Variants in DNAJC1 observed in about 807,000 individuals in gnomAD.
The protein encoded by DNAJC1 is dnaJ homolog subfamily C member 1.
In DNAJC1, 58 loss-of-function variants were observed where a neutral mutation model predicts 76.6. The ratio of observed to expected loss-of-function variants is 0.76; its 90% CI spans 0.61 to 0.94. The LOEUF is 0.94. Among genes scored for constraint, DNAJC1 ranks in the 40% least tolerant of loss-of-function variants. DNAJC1 has a pLI of 0.00. For missense variants in DNAJC1, 689 were observed against 677.3 expected, an observed-to-expected ratio of 1.02 and a Z score of -0.19; for synonymous variants, 258 against 267.9, an observed-to-expected ratio of 0.96 and a Z score of 0.36.
rs76370075 is a variant in DNAJC1, at chr10:21,943,143, G to C, written c.223-14002C>G. 2.6e-5 allele frequency among the ~76,000 whole-genome samples: 4 copies of C among 151,524 alleles called. No individual in the cohort carries two copies. The East Asian group carries it at 7.7e-4, about 29-fold the overall frequency. On this transcript the variant is annotated intron_variant, in intron 1 of 11. Transcript: ENST00000376980. ...TATGAGAAATGAAATTCTACACAGAGGAAAATGCATGCAGCTAACAAGACA... is the reference window on the plus strand; with the variant it reads ...TATGAGAAATGAAATTCTACACAGACGAAAATGCATGCAGCTAACAAGACA...
intron 11 of DNAJC1, among the ~76,000 whole-genome samples, chr10:21,758,590 T>C (rs1049598139): frequency 1.2e-4 from 18 of 152,260 alleles, no homozygotes; most frequent in African/African-American, 4.1e-4. Context: ...AGCTGTCGCC[T>C]GGCACTGACC....
chr10:21,776,748 T>C (rs949653832), intron 9 of DNAJC1, among the ~76,000 whole-genome samples: 3 of 152,198 alleles, frequency 2.0e-5, no homozygotes, highest in Admixed American at 2.0e-4. Flanking sequence ...ATAATGTTCA[T>C]CTTAACTTTT....
chr10:21,816,686 C>T (rs1490175981), intron 8 of DNAJC1, among the ~76,000 whole-genome samples: 3 of 150,924 alleles, frequency 2.0e-5, no homozygotes, highest in African/African-American at 7.3e-5. Flanking sequence ...GCTGGAACTA[C>T]AGGCGCCACC....
intron 9 of DNAJC1, among the ~76,000 whole-genome samples, chr10:21,796,798 T>A (rs577461351): frequency 6.6e-6 from 1 of 152,298 alleles, no homozygotes; most frequent in South Asian, 2.1e-4. Flanking sequence ...TATGAGGTTA[T>A]TTTTTTGCTC....
chr10:21,946,369 A>C (rs1228131445), intron 1 of DNAJC1, among the ~76,000 whole-genome samples: 2 of 152,162 alleles, frequency 1.3e-5, no homozygotes, highest in Non-Finnish European at 2.9e-5. Flanking sequence ...CATTAAATAT[A>C]TAAAAAGTAT....
intron 1 of DNAJC1, among the ~76,000 whole-genome samples, chr10:21,939,079 C>A (rs1425869957): frequency 1.3e-5 from 2 of 152,028 alleles, no homozygotes; most frequent in East Asian, 3.9e-4. Flanking sequence ...TTAGTAGAGA[C>A]GGGGTTTCAC....
chr10:21,888,782 G>C (rs549269339), intron 7 of DNAJC1, among the ~76,000 whole-genome samples: 1 of 152,266 alleles, frequency 6.6e-6, no homozygotes, highest in South Asian at 2.1e-4. Flanking sequence ...CTTGAGGTTG[G>C]AGGGTGGGAG....
At chr10:21,813,811 T>C (rs1009855642) in intron 8 of DNAJC1, among the ~76,000 whole-genome samples, 3 of 152,190 alleles carry the variant, frequency 2.0e-5, no homozygotes, top group East Asian at 1.9e-4. Context: ...CCATCTGTAA[T>C]ACACCGCACT....
At chr10:21,963,654 C>A (rs537453871) in intron 1 of DNAJC1, among the ~76,000 whole-genome samples, 1 of 152,282 alleles carries the variant, frequency 6.6e-6, no homozygotes, top group South Asian at 2.1e-4. Context: ...ATTTCCATAT[C>A]TTGACTTCTG....
chr10:21,846,019 G>A (rs1274124903), intron 8 of DNAJC1, among the ~76,000 whole-genome samples: 1 of 152,118 alleles, frequency 6.6e-6, no homozygotes, highest in African/African-American at 2.4e-5. Flanking sequence ...ACCAAATTTA[G>A]TTATGAAAGA....
chr10:21,893,041 G>A (rs1260559050), intron 7 of DNAJC1, among the ~76,000 whole-genome samples: 1 of 152,064 alleles, frequency 6.6e-6, no homozygotes, highest in East Asian at 1.9e-4. Context: ...GACATTTATA[G>A]AACACTCCAA....
chr10:21,820,011 A>G (rs1339745764), intron 8 of DNAJC1, among the ~76,000 whole-genome samples: 1 of 152,246 alleles, frequency 6.6e-6, no homozygotes, highest in African/African-American at 2.4e-5. Context: ...GCTTTTTAGT[A>G]TATTCATAAA....
At chr10:21,915,874 G>T (rs762433147) in intron 6 of DNAJC1, among the ~76,000 whole-genome samples, 3 of 151,590 alleles carry the variant, frequency 2.0e-5, no homozygotes, top group Non-Finnish European at 2.9e-5. Flanking sequence ...CTGGCTTGGA[G>T]GTGTGTGCCT....
At position 21,759,293 on chromosome 10, in the gene DNAJC1, C is replaced by A. The variant is rs748624070; in HGVS notation, c.1473G>T (p.Arg491=). The change falls in exon 11 of 12, where the codon CGG becomes CGT. Residue 491 remains arginine (R), a synonymous_variant. Coordinates refer to ENST00000376980, the MANE Select transcript of DNAJC1 (RefSeq NM_022365.4). ...TTTGAGTCCACGGCTCCTCTGCAGA[C>A]CGAGCTCTCTCTTTTCTCAGGCTCT... The part of the protein sequence containing the change: ...DEESLRKERA[R]SAEEPWTQNQ... 6.2e-7 allele frequency: 1 copy of A among 1,614,244 alleles called. No homozygotes were observed. Among genetic ancestry groups the A allele is most frequent in the Non-Finnish European group, 8.5e-7 (1 of 1,180,048 alleles).
intron 8 of DNAJC1, among the ~76,000 whole-genome samples, chr10:21,838,457 T>A (rs1835510526): frequency 6.6e-6 from 1 of 152,184 alleles, no homozygotes; most frequent in East Asian, 1.9e-4. Flanking sequence ...CACTCCGTAA[T>A]CTCAAGTACC....
At chr10:21,841,046 C>T (rs933316797) in intron 8 of DNAJC1, among the ~76,000 whole-genome samples, 1 of 152,078 alleles carries the variant, frequency 6.6e-6, no homozygotes, top group African/African-American at 2.4e-5. Context: ...AACTGGCTAG[C>T]CATATGTAGA....
At chr10:21,857,828 C>T (rs1397298047) in intron 8 of DNAJC1, among the ~76,000 whole-genome samples, 1 of 151,842 alleles carries the variant, frequency 6.6e-6, no homozygotes, top group Non-Finnish European at 1.5e-5. Context: ...TGCACTCCAG[C>T]CTGGCAACAG....
At chr10:21,790,772 A>T (rs1834675215) in intron 9 of DNAJC1, among the ~76,000 whole-genome samples, 1 of 152,100 alleles carries the variant, frequency 6.6e-6, no homozygotes, top group Non-Finnish European at 1.5e-5. Context: ...ATTACAGAAA[A>T]CCACCAAACC....
chr10:21,791,731 C>T (rs561992826), intron 9 of DNAJC1, among the ~76,000 whole-genome samples: 2 of 151,996 alleles, frequency 1.3e-5, no homozygotes, highest in South Asian at 4.2e-4. Context: ...CTACTGAATA[C>T]AGAAAAAGCA....
Sources: allele counts gnomAD v4.1 joint callset (sites outside exome capture counted in the v4.1 genomes callset), GRCh38; gene constraint gnomAD v4.1.1; transcripts MANE v1.5; gene names NCBI Gene and HGNC (gene_info 2026-07-23, HGNC 2026-07-21).